The following PCDHGA10 variants were observed in gnomAD, a reference collection of about 807,000 sequenced individuals.
The protein encoded by PCDHGA10 is protocadherin gamma-A10.
PCDHGA10 carries 42 observed loss-of-function variants against 59.5 expected under a neutral mutation model. The ratio of observed to expected loss-of-function variants is 0.71; its 90% confidence interval spans 0.55 to 0.91. PCDHGA10 has a LOEUF of 0.91. Among genes scored for constraint, PCDHGA10 ranks in the 40% least tolerant of loss-of-function variants. The probability of loss-of-function intolerance (pLI) is 0.00; values close to 1 mark genes in which losing one functional copy is unlikely to be tolerated. For missense variants in PCDHGA10, 1,111 were observed against 1,198.2 expected (o/e 0.93, Z 1.07); for synonymous variants, 511 against 517.2 (o/e 0.99, Z 0.16).
At chr5:141,421,619 C>G in intron 1 of PCDHGA10, 1 of 1,613,694 alleles carries the variant, frequency 6.2e-7, no homozygotes, top group Non-Finnish European at 8.5e-7. Flanking sequence ...AATGATAACG[C>G]CCCCAGCTTC....
intron 1 of PCDHGA10, among the ~76,000 whole-genome samples, chr5:141,454,796 ATTTTTTTTTTT>A (rs61612330): frequency 0.01 from 775 of 77,498 alleles, 10 homozygotes; most frequent in African/African-American, 0.043. Context: ...CATGGTTCTA[ATTTTTTTTTTT>A]TTTTTTTTTT....
chr5:141,439,117 C>T (rs1219829519), intron 1 of PCDHGA10, among the ~76,000 whole-genome samples: 6 of 150,696 alleles, frequency 4.0e-5, no homozygotes, highest in African/African-American at 7.3e-5. Context: ...CACTTGAACC[C>T]GGGAGACAGA....
chr5:141,485,726 C>G lies in PCDHGA10; in HGVS notation c.2437-9081C>G. On this transcript the variant is annotated intron_variant, in intron 1 of 3. Transcript: ENST00000398610. The surrounding 1 kb of genome is among the most constrained non-coding windows in gnomAD (Gnocchi z 5.7). ...ACACTTTGCACTGGATGTGAAGAAG[C>G]GCAGCGACGGCAGCCTGGTCCCAGA... 2 of 1,614,140 alleles carry G rather than the reference C, an allele frequency of 1.2e-6. No individual in the cohort carries two copies. The highest frequency in any genetic ancestry group is 1.1e-5 in the South Asian group (1 of 91,082).
At chr5:141,440,275 T>C (rs913705052) in intron 1 of PCDHGA10, 14 of 152,120 alleles carry the variant, frequency 9.2e-5, no homozygotes, top group African/African-American at 3.1e-4. Flanking sequence ...GAGACCAGCC[T>C]GACCAACATA....
Position 141,414,726 on chromosome 5 carries a change from C to G in PCDHGA10, c.1551C>G (p.Val517=), listed in dbSNP as rs761022941. The change falls in exon 1 of 4, where the codon GTC becomes GTG. Residue 517 remains valine (V), a synonymous_variant. Transcript: ENST00000398610. ...SYISINSDTG[V]LYALRSFDYE... Reference sequence around the variant, plus strand: ...TATCCATCAACTCAGACACTGGCGTCCTGTATGCACTCAGATCCTTCGACT... The same window carrying G: ...TATCCATCAACTCAGACACTGGCGTGCTGTATGCACTCAGATCCTTCGACT... 3.1e-6 allele frequency: 5 copies of G among 1,614,196 alleles called. No individual in the cohort carries two copies. Among genetic ancestry groups the G allele is most frequent in the Non-Finnish European group, 4.2e-6 (5 of 1,180,030 alleles).
At chr5:141,495,719 C>T (rs929450759) in intron 2 of PCDHGA10, among the ~76,000 whole-genome samples, 12 of 152,150 alleles carry the variant, frequency 7.9e-5, no homozygotes, top group African/African-American at 2.4e-5. Context: ...AGTAACTACA[C>T]GGGACCCTTA....
At chr5:141,424,746 T>TTA (rs1392854638) in intron 1 of PCDHGA10, 1 of 152,214 alleles carries the variant, frequency 6.6e-6, no homozygotes, top group Non-Finnish European at 1.5e-5. Flanking sequence ...CTTTCTTTCT[T>TTA]TATAAGGTCA....
chr5:141,423,065 G>C, intron 1 of PCDHGA10: 1 of 1,614,138 alleles, frequency 6.2e-7, no homozygotes, highest in Non-Finnish European at 8.5e-7. Flanking sequence ...CTTAAGGCCA[G>C]CGAGCCGGGA....
rs115262984 is a variant in PCDHGA10 at position 141,463,089 on chromosome 5, C to T, written c.2437-31718C>T. ...AATGAAATTCAAACATTTTCCAGCC[C>T]TATGTGACCATCAAGAATTCAGCTA... On this transcript the variant is annotated intron_variant, in intron 1 of 3. Coordinates refer to ENST00000398610, the MANE Select transcript of PCDHGA10 (RefSeq NM_018913.3). Among the ~76,000 whole-genome samples the T allele has an allele frequency of 2.5e-3, 374 of 152,264 alleles. 2 individuals are homozygous for T. Among genetic ancestry groups the T allele is most frequent in the African/African-American group, 8.7e-3 (360 of 41,552 alleles).
At chr5:141,460,616 TAGAC>T (rs533223594) in intron 1 of PCDHGA10, among the ~76,000 whole-genome samples, 44 of 152,232 alleles carry the variant, frequency 2.9e-4, no homozygotes, top group Middle Eastern at 3.4e-3. Context: ...GATGGATAGA[TAGAC>T]AGATACAGAT....
At chr5:141,469,374 A>G (rs1270202528) in intron 1 of PCDHGA10, among the ~76,000 whole-genome samples, 1 of 152,076 alleles carries the variant, frequency 6.6e-6, no homozygotes, top group Non-Finnish European at 1.5e-5. Flanking sequence ...AAAGAGATCG[A>G]GACCATCCTG....
intron 1 of PCDHGA10, among the ~76,000 whole-genome samples, chr5:141,481,153 A>G (rs1376488411): frequency 2.0e-5 from 3 of 152,224 alleles, no homozygotes; most frequent in Non-Finnish European, 4.4e-5. Context: ...TTATTCTGGT[A>G]TTTGCAGAAC....
At position 141,432,156 on chromosome 5, in the gene PCDHGA10, C is replaced by A; in HGVS notation, c.2436+16545C>A. On this transcript the variant is annotated intron_variant, in intron 1 of 3. Transcript: ENST00000398610. This position sits in a 1 kb window ranked among gnomAD's most constrained non-coding sequence, Gnocchi z 6.0. Reference sequence around the variant, plus strand: ...TCCGCTTATATCCCAGAGAACAATCCCAGAGGAGTTTCCCTCGTCTCTGTG... The same window carrying A: ...TCCGCTTATATCCCAGAGAACAATCACAGAGGAGTTTCCCTCGTCTCTGTG... The A allele has an allele frequency of 6.2e-7, 1 of 1,614,142 alleles. No homozygotes were observed. Among genetic ancestry groups the A allele is most frequent in the East Asian group, 2.2e-5 (1 of 44,874 alleles).
intron 1 of PCDHGA10, among the ~76,000 whole-genome samples, chr5:141,450,112 T>G (rs2098669735): frequency 6.6e-6 from 1 of 150,618 alleles, no homozygotes; most frequent in Non-Finnish European, 1.5e-5. Context: ...GTTCAAATGA[T>G]TCTCCTGCCT....
At chr5:141,470,182 G>A (rs540599468) in intron 1 of PCDHGA10, among the ~76,000 whole-genome samples, 1 of 152,262 alleles carries the variant, frequency 6.6e-6, no homozygotes, top group Non-Finnish European at 1.5e-5. Context: ...AAATATTCAA[G>A]TAAACTTCAG....
At chr5:141,426,678 T>C (rs2096951425) in intron 1 of PCDHGA10, 2 of 431,490 alleles carry the variant, frequency 4.6e-6, no homozygotes, top group Admixed American at 5.1e-5. Flanking sequence ...CCCACCTCAT[T>C]TTCCCCAAAA....
At chr5:141,418,326 C>T (rs1398536611) in intron 1 of PCDHGA10, 2 of 1,613,986 alleles carry the variant, frequency 1.2e-6, no homozygotes, top group Non-Finnish European at 1.7e-6. Context: ...ATTCTTGAGT[C>T]TGCAGAAGAT....
chr5:141,471,444 A>T (rs1366430114), intron 1 of PCDHGA10: 1 of 152,150 alleles, frequency 6.6e-6, no homozygotes, highest in Non-Finnish European at 1.5e-5. Flanking sequence ...AATCTCATGT[A>T]CCTTTTGAAA....
At position 141,438,623 on chromosome 5, in the gene PCDHGA10, TATATATATATATAC is replaced by T. The variant is rs537048311; in HGVS notation, c.2436+23014_2436+23027del. Among the ~76,000 whole-genome samples the T allele has an allele frequency of 0.015, 646 of 42,812 alleles. 25 individuals are homozygous for T. In the East Asian group the frequency reaches 0.19, roughly 12 times the overall value. The allele number at this position is 42,812 out of a possible 152,430, so 28.1% of individuals were successfully genotyped here. A position where few individuals can be genotyped will look rare whatever the true frequency, so the allele number is the denominator to read the frequency against. On this transcript the variant is annotated intron_variant, in intron 1 of 3. Transcript: ENST00000398610. ...ATATATATATATATATATATATATA[TATATATATATATAC>T]ACACACACACACACATATATGTATA...
Sources: allele counts gnomAD v4.1 joint callset (sites outside exome capture counted in the v4.1 genomes callset), GRCh38; gene constraint gnomAD v4.1.1; non-coding constraint Gnocchi (gnomAD v3.1); transcripts MANE v1.5; gene names NCBI Gene and HGNC (gene_info 2026-07-23, HGNC 2026-07-21).